PLB1: variants seen among roughly 807,000 people sequenced by gnomAD.
PLB1 encodes the protein phospholipase B1, also known as phospholipase B1, membrane-associated.
In PLB1, 242 loss-of-function variants were observed where a neutral mutation model predicts 227.4. The observed-to-expected ratio is 1.06, with a 90% confidence interval of 0.96 to 1.18. The LOEUF is 1.18. PLB1 is among the 50% of genes most tolerant of loss of function. The probability of loss-of-function intolerance (pLI) is 0.00; values close to 1 mark genes in which losing one functional copy is unlikely to be tolerated. For missense variants in PLB1, 1,858 were observed against 1,816.3 expected, an observed-to-expected ratio of 1.02 and a Z score of -0.42; for synonymous variants, 757 against 682.2, an observed-to-expected ratio of 1.11 and a Z score of -1.71.
Position 28,632,073 on chromosome 2 carries a change from C to T in PLB1, c.3935C>T (p.Thr1312Ile), listed in dbSNP as rs374769522. The T allele has an allele frequency of 2.5e-6, 4 of 1,614,042 alleles. No individual in the cohort carries two copies. In the African/African-American group the frequency reaches 5.3e-5, roughly 22 times the overall value. The change falls in exon 55 of 58, where the codon ACA becomes ATA. Residue 1312 changes from threonine to isoleucine, a missense_variant. Thr to Ile is a moderately conservative substitution (Grantham distance 89, BLOSUM62 -1). Transcript: ENST00000327757. ...ISSFSYWHQY[T>I]QREDFAVVVQ... ...AGTTTCTCCTACTGGCACCAATACA[C>T]ACAGCGTGAGGACTTTGCGGTTGTG...
intron 12 of PLB1, 58 bp downstream of exon 12, chr2:28,540,499 G>T (rs1453052084): frequency 1.4e-6 from 2 of 1,417,664 alleles, no homozygotes; most frequent in South Asian, 1.2e-5. Context: ...GGTCGCCAAG[G>T]AGAACAGGAG....
chr2:28,535,430 CCAGGCCTGCTGGT>C (rs1377457042), intron 9 of PLB1, among the ~76,000 whole-genome samples: 17 of 152,378 alleles, frequency 1.1e-4, no homozygotes, highest in African/African-American at 3.6e-4. Flanking sequence ...GGCCTCCTGG[CCAGGCCTGCTGGT>C]GTTGCCCTTC....
chr2:28,619,226 G>A (rs1686640962), intron 46 of PLB1, among the ~76,000 whole-genome samples: 1 of 152,126 alleles, frequency 6.6e-6, no homozygotes. Context: ...GCCCCCGTGT[G>A]CGTTGTTCCC....
At chr2:28,531,156 T>C (rs75218826) in intron 8 of PLB1, among the ~76,000 whole-genome samples, 342 of 152,334 alleles carry the variant, frequency 2.2e-3, no homozygotes, top group African/African-American at 7.6e-3. Context: ...AAGCAAAAAG[T>C]AAAACCATCC....
At chr2:28,601,399 C>A in intron 37 of PLB1, 67 bp downstream of exon 37, 2 of 1,366,398 alleles carry the variant, frequency 1.5e-6, no homozygotes, top group South Asian at 2.4e-5. Flanking sequence ...TGGAGATCTT[C>A]CCTGAGAACA....
intron 54 of PLB1, among the ~76,000 whole-genome samples, chr2:28,631,098 T>C (rs1688563263): frequency 6.6e-6 from 1 of 151,264 alleles, no homozygotes; most frequent in Non-Finnish European, 1.5e-5. Flanking sequence ...AGGCTGCTGT[T>C]AGCTATGATG....
At position 28,591,695 on chromosome 2, in the gene PLB1, C is replaced by CT; in HGVS notation, c.2128-3dup. 1 of 1,613,906 alleles carries CT rather than the reference C, an allele frequency of 6.2e-7. No individual in the cohort carries two copies. The highest frequency in any genetic ancestry group is 2.2e-5 in the East Asian group (1 of 44,872). On this transcript the variant is annotated splice_region_variant and splice_polypyrimidine_tract_variant and intron_variant, in intron 30 of 57. Coordinates refer to ENST00000327757, the MANE Select transcript of PLB1 (RefSeq NM_153021.5). ...GAGATTCTGGGATTTGTTCTATGCCCTTAGGGTCATGGGACCTGGCTGCCA... is the reference window on the plus strand; with the variant it reads ...GAGATTCTGGGATTTGTTCTATGCCCTTTAGGGTCATGGGACCTGGCTGCCA...
At chr2:28,530,775 A>G (rs1670911119) in intron 8 of PLB1, among the ~76,000 whole-genome samples, 1 of 152,260 alleles carries the variant, frequency 6.6e-6, no homozygotes. Context: ...TGCATGCATT[A>G]AAGCGTTCAG....
intron 25 of PLB1, among the ~76,000 whole-genome samples, chr2:28,582,718 C>A (rs1046149501): frequency 6.6e-6 from 1 of 152,156 alleles, no homozygotes; most frequent in African/African-American, 2.4e-5. Context: ...GCATGGGGAA[C>A]TACCCCTGCA....
At chr2:28,587,266 G>A (rs1379235295) in intron 26 of PLB1, among the ~76,000 whole-genome samples, 1 of 152,174 alleles carries the variant, frequency 6.6e-6, no homozygotes, top group African/African-American at 2.4e-5. Context: ...GCTAGGGTCC[G>A]GAGCTATGCC....
At position 28,601,888 on chromosome 2, in the gene PLB1, T is replaced by C. The variant is rs1393007393; in HGVS notation, c.2608-11T>C. 6.3e-7 allele frequency: 1 copy of C among 1,594,876 alleles called. No homozygotes were observed. Among genetic ancestry groups the C allele is most frequent in the African/African-American group, 1.3e-5 (1 of 74,312 alleles). ...CAGTTCCTCCTTTTCCTCCTTCCTG[T>C]CTCTTTCTAGAATCTGTATTCTGCA... On this transcript the variant is annotated splice_polypyrimidine_tract_variant and intron_variant, in intron 37 of 57. Transcript: ENST00000327757.
chr2:28,606,679 G>A, intron 43 of PLB1, 112 bp downstream of exon 43: 1 of 950,930 alleles, frequency 1.1e-6, no homozygotes. Flanking sequence ...CCCCCTTACT[G>A]AGGCCTGAGA....
intron 35 of PLB1, among the ~76,000 whole-genome samples, chr2:28,599,349 C>T (rs1471421996): frequency 6.6e-6 from 1 of 152,258 alleles, no homozygotes; most frequent in African/African-American, 2.4e-5. Context: ...TTGCTCTATG[C>T]AGCTCCTGGC....
chr2:28,569,922 C>T (rs932173365), intron 20 of PLB1, among the ~76,000 whole-genome samples: 6 of 143,282 alleles, frequency 4.2e-5, no homozygotes, highest in East Asian at 2.0e-4. Flanking sequence ...GCCGAGATCA[C>T]GCCATTGCAC....
rs780301676 is a variant in PLB1 at position 28,590,058 on chromosome 2, T to C, written c.2070T>C (p.Asn690=). The change falls in exon 29 of 58, where the codon AAT becomes AAC. Residue 690 remains asparagine (N), a synonymous_variant. Coordinates refer to ENST00000327757, the MANE Select transcript of PLB1 (RefSeq NM_153021.5). ...TTRHKFENKI[N]ITCPNQVQPF... ...GTCATAAGTTTGAAAACAAGATCAA[T>C]ATCACATGTCCGAACCAGGTAGAGT... The C allele has an allele frequency of 1.9e-6, 3 of 1,613,108 alleles. No individual in the cohort carries two copies. Among genetic ancestry groups the C allele is most frequent in the Non-Finnish European group, 2.5e-6 (3 of 1,179,132 alleles).
intron 53 of PLB1, among the ~76,000 whole-genome samples, chr2:28,630,362 T>G (rs1445039361): frequency 1.3e-5 from 2 of 152,206 alleles, no homozygotes; most frequent in Non-Finnish European, 2.9e-5. Context: ...ACAATCATCC[T>G]CTGGACCTCA....
rs780022581 is a variant in PLB1, at chr2:28,565,266, T to A, written c.1207-14T>A. On this transcript the variant is annotated splice_polypyrimidine_tract_variant and intron_variant, in intron 18 of 57. Coordinates refer to ENST00000327757, the MANE Select transcript of PLB1 (RefSeq NM_153021.5). ...GAAAGCAGAGAAACTCACCCCCTCA[T>A]TGTTCCCTCTCAGGCAGGCAATGGG... 1 of 1,607,996 alleles carries A rather than the reference T, an allele frequency of 6.2e-7. No homozygotes were observed. Among genetic ancestry groups the A allele is most frequent in the Non-Finnish European group, 8.5e-7 (1 of 1,177,158 alleles).
At chr2:28,628,764 G>A (rs1688174582) in intron 52 of PLB1, 136 bp downstream of exon 52, 1 of 872,516 alleles carries the variant, frequency 1.1e-6, no homozygotes, top group Non-Finnish European at 1.9e-6. Context: ...GGAGGGAGGT[G>A]GCTGTCAAGC....
intron 1 of PLB1, among the ~76,000 whole-genome samples, chr2:28,498,009 G>A (rs1438909151): frequency 2.0e-5 from 3 of 151,556 alleles, no homozygotes; most frequent in Non-Finnish European, 2.9e-5. Flanking sequence ...GTGAGCCACC[G>A]TGCCCGGCCT....
Sources: allele counts gnomAD v4.1 joint callset (sites outside exome capture counted in the v4.1 genomes callset), GRCh38; gene constraint gnomAD v4.1.1; transcripts MANE v1.5; gene names NCBI Gene and HGNC (gene_info 2026-07-23, HGNC 2026-07-21).